The following PLEKHA5 variants were observed in gnomAD, a reference collection of about 807,000 sequenced individuals.
The protein encoded by PLEKHA5 is pleckstrin homology domain containing A5, also known as pleckstrin homology domain-containing family A member 5.
PLEKHA5 carries 55 observed loss-of-function variants against 181.9 expected under a neutral mutation model. The observed-to-expected ratio is 0.30, with a 90% CI of 0.24 to 0.38. The LOEUF is 0.38. PLEKHA5 is among the 10% of genes least tolerant of loss of function. PLEKHA5 has a pLI of 1.00. For missense variants in PLEKHA5, 1,432 were observed against 1,549.5 expected, an observed-to-expected ratio of 0.92 and a Z score of 1.27; for synonymous variants, 535 against 529.4, an observed-to-expected ratio of 1.01 and a Z score of -0.15.
At chr12:19,367,278 T>C (rs2095452000) in intron 30 of PLEKHA5, among the ~76,000 whole-genome samples, 1 of 134,834 alleles carries the variant, frequency 7.4e-6, no homozygotes, top group African/African-American at 2.7e-5. Flanking sequence ...TTTTTTTTTT[T>C]TTTTTGAAGC....
chr12:19,306,452 G>T, intron 15 of PLEKHA5: 1 of 612,270 alleles, frequency 1.6e-6, no homozygotes, highest in Non-Finnish European at 3.1e-6. Flanking sequence ...CTGTAGCATC[G>T]GATACCCACC....
intron 22 of PLEKHA5, among the ~76,000 whole-genome samples, chr12:19,345,063 G>A (rs1038916730): frequency 7.9e-5 from 12 of 151,478 alleles, no homozygotes; most frequent in Non-Finnish European, 1.5e-4. Context: ...CAGAGATCAC[G>A]CCACTGCACT....
chr12:19,339,123 C>T (rs2093674891), intron 21 of PLEKHA5, among the ~76,000 whole-genome samples: 1 of 151,488 alleles, frequency 6.6e-6, no homozygotes. Flanking sequence ...TCACTGCAAC[C>T]TCCGCCTCTC....
chr12:19,157,155 C>T (rs1460270635), intron 3 of PLEKHA5, among the ~76,000 whole-genome samples: 2 of 151,004 alleles, frequency 1.3e-5, no homozygotes, highest in Non-Finnish European at 2.9e-5. Flanking sequence ...ACAGCTTACC[C>T]TCGTATATGT....
intron 3 of PLEKHA5, among the ~76,000 whole-genome samples, chr12:19,170,879 C>T (rs1215882747): frequency 6.6e-6 from 1 of 152,186 alleles, no homozygotes; most frequent in Non-Finnish European, 1.5e-5. Context: ...GATGACTGTG[C>T]CACAGACCCT....
At chr12:19,203,220 G>C (rs2054595045) in intron 3 of PLEKHA5, among the ~76,000 whole-genome samples, 1 of 152,008 alleles carries the variant, frequency 6.6e-6, no homozygotes, top group Non-Finnish European at 1.5e-5. Context: ...AAATGAGTAA[G>C]TACTATGCCG....
chr12:19,148,998 G>A (rs1219179656), intron 3 of PLEKHA5, among the ~76,000 whole-genome samples: 1 of 152,140 alleles, frequency 6.6e-6, no homozygotes, highest in Non-Finnish European at 1.5e-5. Context: ...GGTAGTAGAA[G>A]TAAAGTCCTT....
intron 20 of PLEKHA5, among the ~76,000 whole-genome samples, chr12:19,327,247 G>GTTTTTTTTTTTTTTTTTTTTTTTTTTTT (rs55983306): frequency 2.2e-5 from 3 of 138,544 alleles, no homozygotes; most frequent in Non-Finnish European, 3.1e-5. Context: ...ATCTGTTTTT[G>GTTTTTTTTTTTTTTTTTTTTTTTTTTTT]TTTTTTTTTT....
intron 3 of PLEKHA5, 60 bp from the exon 4 acceptor site, chr12:19,253,880 A>G (rs1367815134): frequency 3.0e-6 from 3 of 1,002,300 alleles, no homozygotes; most frequent in African/African-American, 1.6e-5. Flanking sequence ...TAATGTTACA[A>G]TAAATAAATG....
At chr12:19,365,252 T>A (rs1020326724) in intron 29 of PLEKHA5, among the ~76,000 whole-genome samples, 1 of 151,190 alleles carries the variant, frequency 6.6e-6, no homozygotes, top group African/African-American at 2.4e-5. Context: ...CCGTAGTCCC[T>A]GCTACTCGGG....
intron 3 of PLEKHA5, among the ~76,000 whole-genome samples, chr12:19,213,437 G>A (rs1430005046): frequency 2.0e-5 from 3 of 152,152 alleles, no homozygotes; most frequent in Admixed American, 6.5e-5. Context: ...TCAATGTGAG[G>A]TGCTTGGGGG....
chr12:19,312,310 A>T (rs1342502031), intron 15 of PLEKHA5, among the ~76,000 whole-genome samples: 2 of 152,212 alleles, frequency 1.3e-5, no homozygotes, highest in Non-Finnish European at 2.9e-5. Flanking sequence ...CAAGAGTGTC[A>T]TCCTATTTGA....
intron 3 of PLEKHA5, among the ~76,000 whole-genome samples, chr12:19,182,987 T>G (rs1384097267): frequency 6.6e-6 from 1 of 152,218 alleles, no homozygotes; most frequent in Non-Finnish European, 1.5e-5. Flanking sequence ...CAAAACAAGT[T>G]TATGTTTTTT....
chr12:19,266,435 G>T (rs948956088), intron 8 of PLEKHA5, among the ~76,000 whole-genome samples: 3 of 151,876 alleles, frequency 2.0e-5, no homozygotes, highest in African/African-American at 7.3e-5. Context: ...AGTGAGACAG[G>T]ATCACGCCAC....
intron 3 of PLEKHA5, among the ~76,000 whole-genome samples, chr12:19,162,954 T>C (rs1398776319): frequency 6.6e-6 from 1 of 152,170 alleles, no homozygotes; most frequent in Non-Finnish European, 1.5e-5. Flanking sequence ...TGTCTTCATT[T>C]TATGCAGAGA....
At chr12:19,308,568 C>T (rs1270409904) in intron 15 of PLEKHA5, among the ~76,000 whole-genome samples, 2 of 152,122 alleles carry the variant, frequency 1.3e-5, no homozygotes. Context: ...ACTAAGTTCA[C>T]TTACATTACT....
intron 3 of PLEKHA5, among the ~76,000 whole-genome samples, chr12:19,252,593 A>T (rs965027312): frequency 2.0e-5 from 3 of 152,170 alleles, no homozygotes; most frequent in Non-Finnish European, 4.4e-5. Flanking sequence ...TTAGGCAAAC[A>T]TCTTTTTCTC....
chr12:19,132,418 A>G lies in PLEKHA5; in HGVS notation c.195A>G (p.Ala65=), dbSNP rs2034200094. The change falls in exon 3 of 32, where the codon GCA becomes GCG. Residue 65 remains alanine, a synonymous_variant. Coordinates refer to ENST00000429027, the MANE Select transcript of PLEKHA5 (RefSeq NM_001256470.2). Reference sequence around the variant, plus strand: ...ATTTGCCTACTGGCTGGGAAGAAGCATATACTTTTGAAGGTGCAAGATACT... The same window carrying G: ...ATTTGCCTACTGGCTGGGAAGAAGCGTATACTTTTGAAGGTGCAAGATACT... ...STDLPTGWEE[A]YTFEGARYYI... 3 of 1,559,762 alleles carry G rather than the reference A, an allele frequency of 1.9e-6. No homozygotes were observed. The highest frequency in any genetic ancestry group is 1.2e-5 in the South Asian group (1 of 86,412).
chr12:19,316,385 T>C (rs1248877339), intron 16 of PLEKHA5, among the ~76,000 whole-genome samples: 5 of 151,946 alleles, frequency 3.3e-5, no homozygotes, highest in African/African-American at 7.3e-5. Context: ...AAAGTTCTAA[T>C]TGGGGTTTTC....
Sources: allele counts gnomAD v4.1 joint callset (sites outside exome capture counted in the v4.1 genomes callset), GRCh38; gene constraint gnomAD v4.1.1; transcripts MANE v1.5; gene names NCBI Gene and HGNC (gene_info 2026-07-23, HGNC 2026-07-21).